Variants in PLIN4 observed in about 807,000 individuals in gnomAD.
The protein encoded by PLIN4 is perilipin 4.
In PLIN4, 57 loss-of-function variants were observed where a neutral mutation model predicts 52.4. That is an observed-to-expected ratio of 1.09 (90% CI 0.88 to 1.36). The LOEUF is 1.36. Among genes scored for constraint, PLIN4 ranks in the 40% most tolerant of loss-of-function variants. PLIN4 has a pLI of 0.00. For missense variants in PLIN4, 1,757 were observed against 1,770.3 expected (o/e 0.99, Z 0.13); for synonymous variants, 826 against 785.4 (o/e 1.05, Z -0.86).
Position 4,502,585 on chromosome 19 carries a change from A to G in PLIN4, c.*1874T>C. ...CCGCGAGGCTAGGCTGGGAGGGTGG[A>G]GACCAGGCCTTCCCTGAGAGCCGCT... On this transcript the variant is annotated 3_prime_UTR_variant, in exon 8 of 8. Coordinates refer to ENST00000301286, the MANE Select transcript of PLIN4 (RefSeq NM_001367868.2). 4.7e-6 allele frequency: 1 copy of G among 213,384 alleles called. No homozygotes were observed. The highest frequency in any genetic ancestry group is 6.1e-5 in the South Asian group (1 of 16,274). 13.2% of individuals were successfully genotyped at this position (213,384 alleles called of 1,614,324 possible).
In PLIN4 at chr19:4,502,996, A is replaced by T. The variant is rs1251193671; in HGVS notation, c.*1463T>A. The T allele has an allele frequency of 1.3e-5, 2 of 152,156 alleles. No homozygotes were observed. The highest frequency in any genetic ancestry group is 2.1e-4 in the South Asian group (1 of 4,810). 9.4% of individuals were successfully genotyped at this position (152,156 alleles called of 1,614,324 possible). ...TGCAAATGGCTGTGTCTGGCATCCT[A>T]GCCTCCGATGGCCATGGGTGTCGGG... On this transcript the variant is annotated 3_prime_UTR_variant, in exon 8 of 8. Transcript: ENST00000301286.
Position 4,516,647 on chromosome 19 carries a change from C to T in PLIN4, c.228G>A (p.Trp76Ter). The change falls in exon 4 of 8, where the codon TGG (tryptophan) becomes TGA (stop). Residue 76 changes from tryptophan to a stop codon, truncating the protein, a stop_gained. Transcript: ENST00000301286. LOFTEE classifies it high-confidence loss of function. ...CCGAAGGTTGCAGCTCCTTCTCCGT[C>T]CATGGGGCCGTCTGCTCTGGGTGGG... ...VAAHPEQTAPWTEKELQPSEK... is the reference protein window; with the variant it reads ...VAAHPEQTAP 2 of 1,604,386 alleles carry T rather than the reference C, an allele frequency of 1.2e-6. No individual in the cohort carries two copies. Among genetic ancestry groups the T allele is most frequent in the Non-Finnish European group, 1.7e-6 (2 of 1,175,724 alleles).
Position 4,511,747 on chromosome 19 carries a change from G to C in PLIN4, c.2213C>G (p.Thr738Ser), listed in dbSNP as rs200710990. Reference sequence around the variant, plus strand: ...CCCTTTGGCCACATTCGCAGCACCGGTCACCCCACTGCAGACGGTGTCCTT... The same window carrying C: ...CCCTTTGGCCACATTCGCAGCACCGCTCACCCCACTGCAGACGGTGTCCTT... ...GTKDTVCSGV[T>S]GAANVAKGAI... The change falls in exon 5 of 8, where the codon ACC becomes AGC. Residue 738 changes from threonine (T) to serine (S), a missense_variant. Transcript: ENST00000301286. 1.0e-4 allele frequency: 159 copies of C among 1,595,606 alleles called. No individual in the cohort carries two copies. Among genetic ancestry groups the C allele is most frequent in the Admixed American group, 2.4e-4 (13 of 54,290 alleles).
chr19:4,502,325 C>T lies in PLIN4; in HGVS notation c.*2134G>A, dbSNP rs1014853083. The T allele has an allele frequency of 3.1e-5, 13 of 420,582 alleles. No individual in the cohort carries two copies. The highest frequency in any genetic ancestry group is 4.8e-5 in the Non-Finnish European group (11 of 228,664). The allele number at this position is 420,582 out of a possible 1,614,324, so 26.1% of individuals were successfully genotyped here. Reference sequence around the variant, plus strand: ...GGACTGGGTTGAGCCATCAGGCCACCGTGAGAAGCGACTAAAAGGCACTCT... The same window carrying T: ...GGACTGGGTTGAGCCATCAGGCCACTGTGAGAAGCGACTAAAAGGCACTCT... On this transcript the variant is annotated 3_prime_UTR_variant, in exon 8 of 8. Transcript: ENST00000301286.
intron 4 of PLIN4, among the ~76,000 whole-genome samples, chr19:4,516,383 G>A (rs564969396): frequency 1.3e-5 from 2 of 151,738 alleles, no homozygotes; most frequent in South Asian, 2.1e-4. Context: ...TGATTAGAGT[G>A]GGGTAGCACT....
intron 5 of PLIN4, 66 bp from the exon 6 acceptor site, chr19:4,509,021 A>T: frequency 6.7e-7 from 1 of 1,482,814 alleles, no homozygotes; most frequent in African/African-American, 1.4e-5. Context: ...TATAAAAGTC[A>T]AGTGAGGGCC....
At chr19:4,508,002 C>T (rs1282141862) in intron 6 of PLIN4, among the ~76,000 whole-genome samples, 1 of 152,186 alleles carries the variant, frequency 6.6e-6, no homozygotes, top group Non-Finnish European at 1.5e-5. Context: ...GGGTCCTTTC[C>T]TGCGTGCGTT....
chr19:4,513,506 C>A lies in PLIN4; in HGVS notation c.454G>T (p.Gly152Trp), dbSNP rs1676533734. Residue 152 changes from glycine (G) to tryptophan (W), a missense_variant, in exon 5 of 8, where the codon GGG (glycine) becomes TGG (tryptophan). By Grantham distance (184) the Gly-to-Trp change is radical. This residue lies in a region of PLIN4 where 332 missense variants were observed against 310.8 expected (regional missense o/e 1.07). Transcript: ENST00000301286. ...GTGTCCAGACCCCCTTGGACGGCCC[C>A]CTTAGCCATGTCCATGGCCCCTGTG... ...GVTGAMDMAK[G>W]AVQGGLDTSK... 1.9e-6 allele frequency: 3 copies of A among 1,612,776 alleles called. No individual in the cohort carries two copies. The South Asian group carries it at 3.3e-5, about 18-fold the overall frequency.
intron 3 of PLIN4, among the ~76,000 whole-genome samples, chr19:4,516,994 C>T (rs879490158): frequency 3.3e-5 from 5 of 152,150 alleles, no homozygotes; most frequent in Non-Finnish European, 7.4e-5. Context: ...CCTTGCCCAG[C>T]CCGCCCCGCC....
rs202100536 is a variant in PLIN4 at position 4,512,838 on chromosome 19, C to A, written c.1122G>T (p.Val374=). ...TGTKNTVCSG[V]TGAVNLAKEA... ...CTTTGGCCAAGTTCACGGCACCGGT[C>A]ACCCCACTGCAGACAGTGTTCTTGG... is the stretch of plus-strand genomic sequence containing the variant. Residue 374 remains valine, a synonymous_variant, in exon 5 of 8, where the codon GTG becomes GTT. Transcript: ENST00000301286. 1.4e-5 allele frequency: 21 copies of A among 1,529,246 alleles called. 8 individuals carry two copies. The African/African-American group carries it at 4.3e-4, about 31-fold the overall frequency. 94.7% of individuals were successfully genotyped at this position (1,529,246 alleles called of 1,614,324 possible).
In PLIN4 at chr19:4,510,547, G is replaced by A; in HGVS notation, c.3413C>T (p.Ala1138Val). The A allele has an allele frequency of 6.7e-7, 1 of 1,496,206 alleles. No individual in the cohort carries two copies. The highest frequency in any genetic ancestry group is 1.4e-5 in the African/African-American group (1 of 71,394). The allele number at this position is 1,496,206 out of a possible 1,614,324, so 92.7% of individuals were successfully genotyped here. ...APGREDTGLL[A>V]TTHGPEEAPR... ...GGCTTCTTCGGGGCCGTGTGTGGTG[G>A]CCAAAAGCCCCGTGTCCTCCCTGCC... is the stretch of plus-strand genomic sequence containing the variant. Residue 1138 changes from alanine (A) to valine (V), a missense_variant, in exon 5 of 8, where the codon GCC becomes GTC. Physicochemically the swap from Ala to Val is moderately conservative, Grantham distance 64 (BLOSUM62 0). Coordinates refer to ENST00000301286, the MANE Select transcript of PLIN4 (RefSeq NM_001367868.2).
Position 4,502,542 on chromosome 19 carries a change from TGTG to T in PLIN4, c.*1914_*1916del, listed in dbSNP as rs1975949480. On this transcript the variant is annotated 3_prime_UTR_variant, in exon 8 of 8. Transcript: ENST00000301286. ...GGTCCAGGCAGGTGAGCAGGTCCGA[TGTG>T]GGGAGGACGAGGGTCCGCGAGGCTA... The T allele has an allele frequency of 8.0e-6, 2 of 249,486 alleles. No individual in the cohort carries two copies. The highest frequency in any genetic ancestry group is 4.0e-5 in the South Asian group (1 of 24,936). 15.5% of individuals were successfully genotyped at this position (249,486 alleles called of 1,614,324 possible).
In PLIN4 at chr19:4,514,584, G is replaced by A. The variant is rs1016044720; in HGVS notation, c.259-883C>T. On this transcript the variant is annotated intron_variant, in intron 4 of 7. Coordinates refer to ENST00000301286, the MANE Select transcript of PLIN4 (RefSeq NM_001367868.2). Reference sequence around the variant, plus strand: ...ACTAAAAAAATACAAAAAATTAGCCGGGTGTGGTGGTGGGCGCCTGTAGTC... The same window carrying A: ...ACTAAAAAAATACAAAAAATTAGCCAGGTGTGGTGGTGGGCGCCTGTAGTC... Among the ~76,000 whole-genome samples the A allele has an allele frequency of 6.6e-5, 10 of 151,838 alleles. 1 individual carries two copies. The highest frequency in any genetic ancestry group is 9.7e-5 in the African/African-American group (4 of 41,324).
In PLIN4 at chr19:4,511,588, A is replaced by G. The variant is rs1489328380; in HGVS notation, c.2372T>C (p.Val791Ala). 2.0e-6 allele frequency: 3 copies of G among 1,477,620 alleles called. No homozygotes were observed. The highest frequency in any genetic ancestry group is 2.7e-6 in the Non-Finnish European group (3 of 1,111,430). 91.5% of individuals were successfully genotyped at this position (1,477,620 alleles called of 1,614,324 possible). The change falls in exon 5 of 8, where the codon GTG becomes GCG. Residue 791 changes from valine to alanine, a missense_variant. Val to Ala is a moderately conservative substitution (Grantham distance 64). Transcript: ENST00000301286. ...CACAGCATCCTTGGTACCAGTTAACACAGTCTTGGTGGTGTCCATGCCGGT... is the reference window on the plus strand; with the variant it reads ...CACAGCATCCTTGGTACCAGTTAACGCAGTCTTGGTGGTGTCCATGCCGGT... ...VQTGMDTTKT[V>A]LTGTKDAVCS...
intron 3 of PLIN4, 60 bp from the exon 4 acceptor site, chr19:4,516,738 C>CT (rs2145305493): frequency 6.9e-7 from 1 of 1,454,690 alleles, no homozygotes; most frequent in South Asian, 1.4e-5. Flanking sequence ...ATCTACCCGG[C>CT]TGCCCATTGC....
rs756433449 is a variant in PLIN4 at position 4,510,787 on chromosome 19, C to CT, written c.3172dup (p.Ser1058LysfsTer62). 1 of 1,591,760 alleles carries CT rather than the reference C, an allele frequency of 6.3e-7. No homozygotes were observed. The highest frequency in any genetic ancestry group is 8.6e-7 in the Non-Finnish European group (1 of 1,166,044). On this transcript the variant is annotated frameshift_variant, in exon 5 of 8. Transcript: ENST00000301286. LOFTEE classifies it high-confidence loss of function. ...TCCACCCCAGGAGGTGGCGGGGGTA[C>CT]TAGGTAACCAGTTCTGGAAGGTGCT...
intron 6 of PLIN4, among the ~76,000 whole-genome samples, chr19:4,508,558 C>A (rs1465424201): frequency 6.6e-6 from 1 of 152,250 alleles, no homozygotes; most frequent in South Asian, 2.1e-4. Flanking sequence ...TGAGCCACCG[C>A]ACCCAGCCTA....
In PLIN4 at chr19:4,511,916, C is replaced by A. The variant is rs113818201; in HGVS notation, c.2044G>T (p.Ala682Ser). 264 of 1,597,230 alleles carry A rather than the reference C, an allele frequency of 1.7e-4. No individual in the cohort carries two copies. The Middle Eastern group carries it at 1.8e-3, about 11-fold the overall frequency. ...TTGGCCGTGTCTACACCTGTCTGGG[C>A]AGCCCCTTTGGCCACATTCACAGCA... ...TSAVNVAKGA[A>S]QTGVDTAKTV... Residue 682 changes from alanine to serine, a missense_variant, in exon 5 of 8, where the codon GCC (alanine) becomes TCC (serine). This residue lies in a region of PLIN4 where 439 missense variants were observed against 406.4 expected (regional missense o/e 1.08). Coordinates refer to ENST00000301286, the MANE Select transcript of PLIN4 (RefSeq NM_001367868.2).
Position 4,512,396 on chromosome 19 carries a change from C to CCACGCCGG in PLIN4, c.1563_1564insCCGGCGTG (p.Asp522ProfsTer10). 6.2e-7 allele frequency: 1 copy of CCACGCCGG among 1,608,556 alleles called. No homozygotes were observed. The highest frequency in any genetic ancestry group is 2.2e-5 in the East Asian group (1 of 44,708). On this transcript the variant is annotated frameshift_variant, in exon 5 of 8. Transcript: ENST00000301286. LOFTEE classifies it high-confidence loss of function. ...CCGGTTAGGACAGTCTTGGTGGTGT[C>CCACGCCGG]TACGCCGGTCTGGACGGTCCCTTTG...
Sources: allele counts gnomAD v4.1 joint callset (sites outside exome capture counted in the v4.1 genomes callset), GRCh38; gene constraint gnomAD v4.1.1; regional missense constraint gnomAD v4.1.1; transcripts MANE v1.5; gene names NCBI Gene and HGNC (gene_info 2026-07-23, HGNC 2026-07-21).